The following DNM3 variants were observed in gnomAD, a reference collection of about 807,000 sequenced individuals.
DNM3 encodes dynamin-3.
Under a neutral mutation model 101.6 loss-of-function variants are expected in DNM3, and 47 were observed. The observed-to-expected ratio is 0.46, with a 90% CI of 0.37 to 0.59. The LOEUF (loss-of-function observed/expected upper bound fraction) is 0.59, where lower values mean the gene tolerates loss of function less well. Among genes scored for constraint, DNM3 ranks in the 20% least tolerant of loss-of-function variants. The pLI is 0.00. For synonymous variants in DNM3, 385 were observed against 387.9 expected, an observed-to-expected ratio of 0.99 and a Z score of 0.09; for missense variants, 849 against 1,085.7, an observed-to-expected ratio of 0.78 and a Z score of 3.06.
At chr1:172,166,204 T>A (rs1243732870) in intron 14 of DNM3, among the ~76,000 whole-genome samples, 1 of 152,104 alleles carries the variant, frequency 6.6e-6, no homozygotes, top group African/African-American at 2.4e-5. Context: ...GTAGAAATGC[T>A]CAATATATGT....
chr1:171,945,460 C>T (rs1470507688), intron 2 of DNM3, among the ~76,000 whole-genome samples: 1 of 152,114 alleles, frequency 6.6e-6, no homozygotes, highest in Non-Finnish European at 1.5e-5. Context: ...TTGCAATTCA[C>T]ACTTTGTTAT....
At chr1:172,225,284 G>T (rs1005815216) in intron 14 of DNM3, among the ~76,000 whole-genome samples, 98 of 151,246 alleles carry the variant, frequency 6.5e-4, no homozygotes, top group African/African-American at 2.3e-3. Flanking sequence ...GATTACAGGC[G>T]CACCACCACG....
intron 1 of DNM3, among the ~76,000 whole-genome samples, chr1:171,873,765 GAAGT>G (rs2035512959): frequency 1.3e-5 from 2 of 152,242 alleles, no homozygotes; most frequent in South Asian, 4.1e-4. Context: ...CGTTCTCCAC[GAAGT>G]AAGAAAATAC....
intron 14 of DNM3, among the ~76,000 whole-genome samples, chr1:172,185,180 A>G (rs1348259102): frequency 6.6e-6 from 1 of 152,038 alleles, no homozygotes; most frequent in Non-Finnish European, 1.5e-5. Context: ...GGAAGCTCCT[A>G]ATGCCTCCTT....
At chr1:172,255,447 T>C (rs2062359010) in intron 15 of DNM3, among the ~76,000 whole-genome samples, 1 of 151,952 alleles carries the variant, frequency 6.6e-6, no homozygotes, top group South Asian at 2.1e-4. Flanking sequence ...CAAACAAAAT[T>C]GAATCCATGG....
chr1:172,330,580 A>G (rs532580345), intron 17 of DNM3, among the ~76,000 whole-genome samples: 1 of 152,284 alleles, frequency 6.6e-6, no homozygotes, highest in South Asian at 2.1e-4. Flanking sequence ...TACAGAATTT[A>G]CACCAAAATT....
rs763888644 is a variant in DNM3, at chr1:172,131,161, C to G, written c.1546-14C>G. 4 of 1,612,180 alleles carry G rather than the reference C, an allele frequency of 2.5e-6. No individual in the cohort carries two copies. The East Asian group carries it at 8.9e-5, about 36-fold the overall frequency. On this transcript the variant is annotated splice_polypyrimidine_tract_variant and intron_variant, in intron 13 of 20. Transcript: ENST00000627582. ...TTAAACTAAACACCTCTGCTGATTT[C>G]TGCTTTTTCGTAGGTGATTCGCAAG...
At chr1:172,043,284 G>A (rs2049524538) in intron 8 of DNM3, among the ~76,000 whole-genome samples, 2 of 152,058 alleles carry the variant, frequency 1.3e-5, no homozygotes, top group Non-Finnish European at 1.5e-5. Flanking sequence ...CATCAGATGA[G>A]GGAAATGGAG....
intron 14 of DNM3, among the ~76,000 whole-genome samples, chr1:172,141,562 T>C (rs1417170417): frequency 1.3e-5 from 2 of 152,072 alleles, no homozygotes; most frequent in Admixed American, 1.3e-4. Flanking sequence ...CATTACCAAG[T>C]TGTACTTTTT....
chr1:171,898,206 T>C (rs2037983963), intron 1 of DNM3, among the ~76,000 whole-genome samples: 1 of 152,126 alleles, frequency 6.6e-6, no homozygotes, highest in African/African-American at 2.4e-5. Flanking sequence ...AATTTAACCT[T>C]GGTTTTCATG....
Position 172,174,000 on chromosome 1 carries a change from G to C in DNM3, c.1659+42712G>C, listed in dbSNP as rs74858423. On this transcript the variant is annotated intron_variant, in intron 14 of 20. Coordinates refer to ENST00000627582, the MANE Select transcript of DNM3 (RefSeq NM_015569.5). Reference sequence around the variant, plus strand: ...TCTGGAATGCCAAACTTGAAATTATGATGAGTTACTGGTGATACCATAGTA... The same window carrying C: ...TCTGGAATGCCAAACTTGAAATTATCATGAGTTACTGGTGATACCATAGTA... 5.5e-3 allele frequency among the ~76,000 whole-genome samples: 841 copies of C among 151,708 alleles called. 4 individuals are homozygous for C. The highest frequency in any genetic ancestry group is 0.019 in the African/African-American group (806 of 41,454).
chr1:172,164,232 C>CTTTT (rs3980440), intron 14 of DNM3, among the ~76,000 whole-genome samples: 1,993 of 126,574 alleles, frequency 0.016, 62 homozygotes, highest in East Asian at 0.094. Flanking sequence ...CTTTTCTTTT[C>CTTTT]TTTTTTTTTT....
At chr1:171,853,937 C>T (rs1571255201) in intron 1 of DNM3, among the ~76,000 whole-genome samples, 1 of 152,286 alleles carries the variant, frequency 6.6e-6, no homozygotes, top group South Asian at 2.1e-4. Flanking sequence ...CAGAGGTATT[C>T]ACCTCATTTT....
chr1:171,989,682 T>G (rs1257254226), intron 4 of DNM3, among the ~76,000 whole-genome samples: 3 of 152,140 alleles, frequency 2.0e-5, no homozygotes, highest in African/African-American at 7.2e-5. Flanking sequence ...CCAGAAAAGG[T>G]CCTTTCTTAT....
chr1:172,086,243 G>A (rs2053522906), intron 12 of DNM3, among the ~76,000 whole-genome samples: 1 of 152,098 alleles, frequency 6.6e-6, no homozygotes, highest in African/African-American at 2.4e-5. Flanking sequence ...ATAATAGCCT[G>A]AGCCTTCATT....
intron 13 of DNM3, among the ~76,000 whole-genome samples, chr1:172,102,399 A>G (rs1003119848): frequency 5.9e-5 from 9 of 152,150 alleles, no homozygotes; most frequent in Admixed American, 3.3e-4. Context: ...TGTCAAATAT[A>G]CAGCCTGTTA....
chr1:172,386,965 T>C (rs931258271), intron 18 of DNM3, 168 bp from the exon 19 acceptor site: 2 of 590,508 alleles, frequency 3.4e-6, no homozygotes, highest in East Asian at 2.9e-5. Flanking sequence ...GTACTGGGGA[T>C]AGAGACAAAA....
intron 14 of DNM3, among the ~76,000 whole-genome samples, chr1:172,141,513 T>C (rs1371003317): frequency 1.3e-5 from 2 of 152,142 alleles, no homozygotes; most frequent in Non-Finnish European, 2.9e-5. Flanking sequence ...GGCGTCTCTT[T>C]ACCGAGCATG....
At chr1:172,144,847 G>T (rs2057790277) in intron 14 of DNM3, 3 of 321,946 alleles carry the variant, frequency 9.3e-6, no homozygotes, top group Non-Finnish European at 1.9e-5. Flanking sequence ...GGGAGGGCTG[G>T]GCTGGAGAGT....
Sources: gnomAD v4.1 joint callset for allele counts (sites outside exome capture counted in the v4.1 genomes callset) on GRCh38, gnomAD v4.1.1 for gene constraint, MANE v1.5 for transcripts, NCBI Gene and HGNC (gene_info 2026-07-23, HGNC 2026-07-21) for gene names.